The following SRGAP2 variants were observed in gnomAD, a reference collection of about 807,000 sequenced individuals.
SRGAP2 encodes the protein SLIT-ROBO Rho GTPase-activating protein 2.
SRGAP2 carries 15 observed loss-of-function variants against 57.2 expected under a neutral mutation model. That is an observed-to-expected ratio of 0.26 (90% CI 0.18 to 0.40). The LOEUF (loss-of-function observed/expected upper bound fraction) is 0.40, where lower values mean the gene tolerates loss of function less well. Among genes scored for constraint, SRGAP2 ranks in the 10% least tolerant of loss-of-function variants. The probability of loss-of-function intolerance (pLI) is 1.00; values close to 1 mark genes in which losing one functional copy is unlikely to be tolerated. For synonymous variants in SRGAP2, 249 were observed against 248.0 expected, an observed-to-expected ratio of 1.00 and a Z score of -0.04; for missense variants, 520 against 669.6, an observed-to-expected ratio of 0.78 and a Z score of 2.47.
At chr1:206,281,510 A>G (rs1670735158) in intron 2 of SRGAP2, among the ~76,000 whole-genome samples, 1 of 129,122 alleles carries the variant, frequency 7.7e-6, no homozygotes, top group Non-Finnish European at 1.6e-5. Flanking sequence ...TTTTTATCAT[A>G]TCTTTAAAAA....
Position 206,458,604 on chromosome 1 carries a change from T to C in SRGAP2, c.2508-19T>C, listed in dbSNP as rs376715581. The C allele has an allele frequency of 1.9e-3, 1,371 of 720,680 alleles. 8 individuals carry two copies. Among genetic ancestry groups the C allele is most frequent in the South Asian group, 7.1e-3 (454 of 64,368 alleles). The allele number at this position is 720,680 out of a possible 1,614,324, so 44.6% of individuals were successfully genotyped here. On this transcript the variant is annotated intron_variant, in intron 21 of 22. Transcript: ENST00000573034. ...CCAGGGCTCCCTGATCACACTGCCCTTTCTGTTTGTGATTGAAGGCAAAGG... is the reference window on the plus strand; with the variant it reads ...CCAGGGCTCCCTGATCACACTGCCCCTTCTGTTTGTGATTGAAGGCAAAGG...
chr1:206,320,823 A>G (rs1305250941), intron 3 of SRGAP2, among the ~76,000 whole-genome samples: 1 of 152,182 alleles, frequency 6.6e-6, no homozygotes, highest in East Asian at 1.9e-4. Flanking sequence ...CACCCTTTTC[A>G]TACCCAATTC....
intron 2 of SRGAP2, among the ~76,000 whole-genome samples, chr1:206,208,814 T>C (rs1449720982): frequency 6.6e-6 from 1 of 151,996 alleles, no homozygotes; most frequent in East Asian, 1.9e-4. Flanking sequence ...GCTATGCAGT[T>C]TGGTTTGGTT....
chr1:206,389,675 A>G (rs1181320579), intron 5 of SRGAP2, among the ~76,000 whole-genome samples: 3 of 151,692 alleles, frequency 2.0e-5, no homozygotes, highest in African/African-American at 7.3e-5. Flanking sequence ...GTTTTTCTCA[A>G]TTTATACCTA....
At position 206,319,840 on chromosome 1, in the gene SRGAP2, A is replaced by T. The variant is rs1237483861; in HGVS notation, c.260+16367A>T. ...TTTGTTTTTTGCGATGGAGTCTCTC[A>T]CTCTGTTGCCCAGGCTGGGGTGCAA... On this transcript the variant is annotated intron_variant, in intron 3 of 22. Coordinates refer to ENST00000573034, the MANE Select transcript of SRGAP2 (RefSeq NM_015326.5). 1.9e-4 allele frequency among the ~76,000 whole-genome samples: 28 copies of T among 145,292 alleles called. 5 individuals are homozygous for T. The highest frequency in any genetic ancestry group is 7.3e-4 in the African/African-American group (26 of 35,460).
Position 206,464,434 on chromosome 1 carries a change from C to T in SRGAP2, c.*3014C>T, listed in dbSNP as rs941913815. 2 of 152,540 alleles carry T rather than the reference C, an allele frequency of 1.3e-5. No homozygotes were observed. The highest frequency in any genetic ancestry group is 4.8e-5 in the African/African-American group (2 of 41,422). The allele number at this position is 152,540 out of a possible 1,614,324, so 9.4% of individuals were successfully genotyped here. ...CAAAATAAAATACATTTTTAGGTTT[C>T]GATGCTGCAGTTCATATCCCTTCTC... On this transcript the variant is annotated 3_prime_UTR_variant, in exon 23 of 23. Coordinates refer to ENST00000573034, the MANE Select transcript of SRGAP2 (RefSeq NM_015326.5).
In SRGAP2 at chr1:206,432,003, G is replaced by A. The variant is rs140144357; in HGVS notation, c.1555+1781G>A. ...GGAAGCCAGACTCTTAGGGCCTCAT[G>A]TGCTAGGATTGGATTTTATTCTGAG... is the stretch of plus-strand genomic sequence containing the variant. On this transcript the variant is annotated intron_variant, in intron 14 of 22. Transcript: ENST00000573034. 3.6e-3 allele frequency among the ~76,000 whole-genome samples: 552 copies of A among 152,368 alleles called. 3 individuals are homozygous for A. The highest frequency in any genetic ancestry group is 6.0e-3 in the Admixed American group (92 of 15,306).
chr1:206,285,522 C>T (rs1229533403), intron 2 of SRGAP2, among the ~76,000 whole-genome samples: 2 of 152,160 alleles, frequency 1.3e-5, no homozygotes, highest in Admixed American at 6.5e-5. Context: ...CCTGGTGGTG[C>T]GTGTGTCACT....
At chr1:206,366,258 A>G (rs1653999781) in intron 4 of SRGAP2, among the ~76,000 whole-genome samples, 1 of 152,250 alleles carries the variant, frequency 6.6e-6, no homozygotes, top group African/African-American at 2.4e-5. Flanking sequence ...TCAAGTCTAC[A>G]TATTTGGCTG....
At chr1:206,414,033 CTTTTTTTTTT>C (rs1202216512) in intron 10 of SRGAP2, among the ~76,000 whole-genome samples, 3 of 128,954 alleles carry the variant, frequency 2.3e-5, no homozygotes, top group Non-Finnish European at 4.9e-5. Flanking sequence ...CTTTTTCTTT[CTTTTTTTTTT>C]TTTTTTGAGA....
At chr1:206,370,688 G>A (rs1654459803) in intron 4 of SRGAP2, among the ~76,000 whole-genome samples, 1 of 152,182 alleles carries the variant, frequency 6.6e-6, no homozygotes, top group African/African-American at 2.4e-5. Flanking sequence ...GTACAACCTT[G>A]CAAATATACT....
chr1:206,374,308 G>A (rs569346346), intron 4 of SRGAP2, among the ~76,000 whole-genome samples: 2 of 150,252 alleles, frequency 1.3e-5, no homozygotes, highest in African/African-American at 2.5e-5. Context: ...GAGCCACCGC[G>A]CCCGGCCAGA....
rs71568077 is a variant in SRGAP2, at chr1:206,210,403, C to CTTTTTT, written c.67+4388_67+4393dup. 1.6e-3 allele frequency among the ~76,000 whole-genome samples: 51 copies of CTTTTTT among 31,792 alleles called. 2 individuals are homozygous for CTTTTTT. The highest frequency in any genetic ancestry group is 2.5e-3 in the Non-Finnish European group (41 of 16,236). 20.9% of individuals were successfully genotyped at this position (31,792 alleles called of 152,430 possible). Reference sequence around the variant, plus strand: ...TTCTCGAGAACATTAGGGGTCTTGTCTTTTTTTTTTTTTTTTTTTTTTTTT... The same window carrying CTTTTTT: ...TTCTCGAGAACATTAGGGGTCTTGTCTTTTTTTTTTTTTTTTTTTTTTTTTTTTTTT... On this transcript the variant is annotated intron_variant, in intron 2 of 22. Coordinates refer to ENST00000573034, the MANE Select transcript of SRGAP2 (RefSeq NM_015326.5).
At chr1:206,375,168 A>C (rs1340132695) in intron 4 of SRGAP2, among the ~76,000 whole-genome samples, 1 of 149,904 alleles carries the variant, frequency 6.7e-6, no homozygotes, top group Non-Finnish European at 1.5e-5. Flanking sequence ...CTTTCCCCCG[A>C]TTCTCTCCCA....
intron 2 of SRGAP2, among the ~76,000 whole-genome samples, chr1:206,283,614 C>T (rs1197519584): frequency 3.3e-5 from 5 of 150,676 alleles, no homozygotes; most frequent in African/African-American, 9.8e-5. Context: ...AGGCAGAGGC[C>T]GCAGTGAGCC....
chr1:206,431,404 A>T (rs1553368259), intron 14 of SRGAP2, among the ~76,000 whole-genome samples: 1 of 152,236 alleles, frequency 6.6e-6, no homozygotes, highest in African/African-American at 2.4e-5. Context: ...AGTTAAATAA[A>T]AAGGGATAAG....
At chr1:206,434,212 G>C (rs1290633271) in intron 14 of SRGAP2, among the ~76,000 whole-genome samples, 1 of 152,202 alleles carries the variant, frequency 6.6e-6, no homozygotes, top group Non-Finnish European at 1.5e-5. Flanking sequence ...AGAAAGCTCA[G>C]TGGTGGGTGA....
At chr1:206,444,691 G>A (rs1461454263) in intron 17 of SRGAP2, among the ~76,000 whole-genome samples, 1 of 152,194 alleles carries the variant, frequency 6.6e-6, no homozygotes, top group Admixed American at 6.5e-5. Context: ...TGACTAGGAA[G>A]TAGACTTAGA....
At chr1:206,448,749 C>T (rs1215413786) in intron 18 of SRGAP2, among the ~76,000 whole-genome samples, 1 of 152,158 alleles carries the variant, frequency 6.6e-6, no homozygotes, top group Non-Finnish European at 1.5e-5. Flanking sequence ...ACCTCTCCCC[C>T]GCCACCCCCA....
Sources: allele counts gnomAD v4.1 joint callset (sites outside exome capture counted in the v4.1 genomes callset), GRCh38; gene constraint gnomAD v4.1.1; transcripts MANE v1.5; gene names NCBI Gene and HGNC (gene_info 2026-07-23, HGNC 2026-07-21).